The following HEATR4 variants were observed in gnomAD, a reference collection of about 807,000 sequenced individuals.
HEATR4 encodes the protein HEAT repeat-containing protein 4.
A neutral mutation model predicts 108.8 loss-of-function variants in HEATR4; 95 were observed. The observed-to-expected ratio is 0.87, with a 90% CI of 0.74 to 1.04. HEATR4 has a LOEUF of 1.04. Ranked by LOEUF, HEATR4 falls within the 50% of genes least tolerant of loss-of-function variation. The pLI is 0.00. For missense variants in HEATR4, 1,152 were observed against 1,253.8 expected (o/e 0.92, Z 1.23); for synonymous variants, 443 against 459.4 (o/e 0.96, Z 0.46).
chr14:73,513,991 C>G, intron 6 of HEATR4, 40 bp downstream of exon 6: 1 of 1,592,972 alleles, frequency 6.3e-7, no homozygotes, highest in Middle Eastern at 1.7e-4. Context: ...AGAACCACTT[C>G]TCACAAACGT....
chr14:73,492,123 T>C lies in HEATR4; in HGVS notation c.2844+943A>G. On this transcript the variant is annotated intron_variant, in intron 17 of 17. Transcript: ENST00000553558. The surrounding 1 kb of genome is among the most constrained non-coding windows in gnomAD (Gnocchi z 4.9). ...CGACCCCGAGTCCCAACCGAGGAAC[T>C]GGCTCTGACATCCAGCCCCAACTTC... 1.9e-6 allele frequency: 3 copies of C among 1,613,912 alleles called. No individual in the cohort carries two copies. Among genetic ancestry groups the C allele is most frequent in the South Asian group, 2.2e-5 (2 of 91,082 alleles).
the HEATR4 span, among the ~76,000 whole-genome samples, chr14:73,598,302 A>G: frequency 6.7e-6 from 1 of 149,946 alleles, no homozygotes; most frequent in African/African-American, 2.5e-5. Flanking sequence ...AGGCAGGAGA[A>G]TGGTGTGAAC....
chr14:73,615,687 C>T, the HEATR4 span, among the ~76,000 whole-genome samples: 5 of 151,998 alleles, frequency 3.3e-5, no homozygotes, highest in African/African-American at 4.8e-5. Flanking sequence ...GAGCCGAGAT[C>T]GCACCATTGC....
In HEATR4 at chr14:73,524,653, G is replaced by T. The variant is rs145248485; in HGVS notation, c.-72-1429C>A. Reference sequence around the variant, plus strand: ...CATAGCCCGTAAGCAGAGGAGTCAGGTTTCAAATCTAGCCTACTAGATCAC... The same window carrying T: ...CATAGCCCGTAAGCAGAGGAGTCAGTTTTCAAATCTAGCCTACTAGATCAC... On this transcript the variant is annotated intron_variant, in intron 2 of 17. Transcript: ENST00000553558. Among the ~76,000 whole-genome samples, 558 of 149,532 alleles carry T rather than the reference G, an allele frequency of 3.7e-3. 1 individual carries two copies. Among genetic ancestry groups the T allele is most frequent in the South Asian group, 9.3e-3 (43 of 4,646 alleles).
At chr14:73,590,249 C>G in the HEATR4 span, among the ~76,000 whole-genome samples, 2 of 152,168 alleles carry the variant, frequency 1.3e-5, no homozygotes, top group African/African-American at 2.4e-5. Flanking sequence ...GAGCTAGACA[C>G]AAAAGTTCTC....
Position 73,519,045 on chromosome 14 carries a change from A to C in HEATR4, c.1188T>G (p.Ser396Arg). 6.2e-7 allele frequency: 1 copy of C among 1,613,380 alleles called. No homozygotes were observed. Among genetic ancestry groups the C allele is most frequent in the Admixed American group, 1.7e-5 (1 of 59,904 alleles). ...TACATGCTTCAGGAATTGCCTGGGC[A>C]CTCCACTTTTCTGGAGTTTCAGGGA... is the stretch of plus-strand genomic sequence containing the variant. The part of the protein sequence containing the change: ...KVFPETPEKW[S>R]AQAIPEASYR... The change falls in exon 5 of 18, where the codon AGT becomes AGG. Residue 396 changes from serine to arginine, a missense_variant. Physicochemically the swap from Ser to Arg is moderately radical, Grantham distance 110. Coordinates refer to ENST00000553558, the MANE Select transcript of HEATR4 (RefSeq NM_001220484.1).
At chr14:73,585,965 C>A in the HEATR4 span, among the ~76,000 whole-genome samples, 3 of 125,364 alleles carry the variant, frequency 2.4e-5, no homozygotes, top group African/African-American at 9.3e-5. Context: ...GCCAAGGTGG[C>A]ACAACTGCAC....
intron 3 of HEATR4, among the ~76,000 whole-genome samples, 193 bp downstream of exon 3, chr14:73,522,079 A>G (rs554194449): frequency 2.6e-5 from 4 of 152,340 alleles, no homozygotes; most frequent in African/African-American, 9.6e-5. Flanking sequence ...AACAAAAATT[A>G]TCCAACCCAG....
chr14:73,615,394 AAAAAAAAAAAAAACAAAAAAC>A, the HEATR4 span, among the ~76,000 whole-genome samples: 6 of 116,646 alleles, frequency 5.1e-5, no homozygotes, highest in South Asian at 3.8e-4. Flanking sequence ...CTGATAAAAA[AAAAAAAAAAAAAACAAAAAAC>A]AAAAAAAACC....
the HEATR4 span, chr14:73,593,633 G>A: frequency 3.5e-6 from 5 of 1,436,000 alleles, no homozygotes; most frequent in Admixed American, 1.0e-4. Context: ...ATGAACCACA[G>A]TGTCCAGCCA....
chr14:73,506,808 T>TTTTTTTTTTTGTTTTG (rs1460695074), intron 9 of HEATR4, among the ~76,000 whole-genome samples: 13 of 111,462 alleles, frequency 1.2e-4, no homozygotes, highest in South Asian at 1.0e-3. Flanking sequence ...TTAACTGTTT[T>TTTTTTTTTTTGTTTTG]TTTTTTTTTT....
At chr14:73,508,474 C>T (rs1886989841) in intron 8 of HEATR4, among the ~76,000 whole-genome samples, 180 bp from the exon 9 acceptor site, 2 of 152,088 alleles carry the variant, frequency 1.3e-5, no homozygotes, top group South Asian at 2.1e-4. Flanking sequence ...ATTGGCTGGG[C>T]ACGGTGGCTA....
intron 10 of HEATR4, among the ~76,000 whole-genome samples, chr14:73,503,950 T>C (rs1417599519): frequency 6.6e-6 from 1 of 152,196 alleles, no homozygotes; most frequent in Non-Finnish European, 1.5e-5. Flanking sequence ...CTTTTTACTT[T>C]CAGTTGTCAA....
chr14:73,592,174 T>G, the HEATR4 span: 1 of 1,605,046 alleles, frequency 6.2e-7, no homozygotes. Flanking sequence ...GGCGGCAGCT[T>G]CGCGGGACTC....
chr14:73,501,916 T>G lies in HEATR4; in HGVS notation c.2105+979A>C, dbSNP rs1359777903. 3.3e-5 allele frequency among the ~76,000 whole-genome samples: 5 copies of G among 151,482 alleles called. No individual in the cohort carries two copies. In the East Asian group the frequency reaches 9.7e-4, roughly 29 times the overall value. ...CTACAGGCGCCCGCCACCACGCCCTTTTGTATTTTTAGTAGAGACAGGGTT... is the reference window on the plus strand; with the variant it reads ...CTACAGGCGCCCGCCACCACGCCCTGTTGTATTTTTAGTAGAGACAGGGTT... On this transcript the variant is annotated intron_variant, in intron 11 of 17. Coordinates refer to ENST00000553558, the MANE Select transcript of HEATR4 (RefSeq NM_001220484.1).
rs544641623 is a variant in HEATR4 at position 73,536,986 on chromosome 14, G to GTT, written c.-151-6744_-151-6743dup. Reference sequence around the variant, plus strand: ...GACTGCTAGCTGCCTGGTTGTTGTTGTTTTTTTTTTTTTCTGAGACGGACT... The same window carrying GTT: ...GACTGCTAGCTGCCTGGTTGTTGTTGTTTTTTTTTTTTTTTCTGAGACGGACT... On this transcript the variant is annotated intron_variant, in intron 1 of 17. Transcript: ENST00000553558. 2.1e-3 allele frequency: 164 copies of GTT among 77,446 alleles called. 25 individuals carry two copies. The highest frequency in any genetic ancestry group is 4.9e-3 in the African/African-American group (140 of 28,388). The allele number at this position is 77,446 out of a possible 1,614,324, so 4.8% of individuals were successfully genotyped here. A position where few individuals can be genotyped will look rare whatever the true frequency, so the allele number is the denominator to read the frequency against.
intron 15 of HEATR4, among the ~76,000 whole-genome samples, chr14:73,496,108 C>T (rs189781831): frequency 2.1e-4 from 32 of 151,886 alleles, no homozygotes; most frequent in African/African-American, 6.5e-4. Context: ...CCAGCCTGGG[C>T]GACAGAGCGA....
chr14:73,624,204 C>T, the HEATR4 span, among the ~76,000 whole-genome samples: 1 of 151,966 alleles, frequency 6.6e-6, no homozygotes, highest in South Asian at 2.1e-4. Flanking sequence ...CTCACTGCAA[C>T]CTCCACCTCC....
the HEATR4 span, among the ~76,000 whole-genome samples, chr14:73,579,489 C>G: frequency 6.8e-6 from 1 of 146,834 alleles, no homozygotes; most frequent in Non-Finnish European, 1.5e-5. Context: ...GCAGGAGAAT[C>G]ACTTGAAACC....
Sources: allele counts gnomAD v4.1 joint callset (sites outside exome capture counted in the v4.1 genomes callset), GRCh38; gene constraint gnomAD v4.1.1; non-coding constraint Gnocchi (gnomAD v3.1); transcripts MANE v1.5; gene names NCBI Gene and HGNC (gene_info 2026-07-23, HGNC 2026-07-21).